The following ANGEL2 variants were observed in gnomAD, a reference collection of about 807,000 sequenced individuals.
ANGEL2 encodes the protein angel homolog 2.
Under a neutral mutation model 66.0 loss-of-function variants are expected in ANGEL2, and 41 were observed. That is an observed-to-expected ratio of 0.62 (90% confidence interval 0.48 to 0.81). ANGEL2 has a LOEUF of 0.81. Ranked by LOEUF, ANGEL2 falls within the 30% of genes least tolerant of loss-of-function variation. The pLI, the probability that ANGEL2 is intolerant of heterozygous loss-of-function variation, is 0.00. For missense variants in ANGEL2, 561 were observed against 641.6 expected (o/e 0.87, Z 1.36); for synonymous variants, 208 against 226.5 (o/e 0.92, Z 0.73).
At chr1:213,005,626 G>C (rs73084286) in intron 4 of ANGEL2, among the ~76,000 whole-genome samples, 172 bp from the exon 5 acceptor site, 5,565 of 152,242 alleles carry the variant, frequency 0.037, 284 homozygotes, top group African/African-American at 0.12. Flanking sequence ...GGTCTAACAG[G>C]CCTCTTTATG....
At chr1:213,000,935 T>C in intron 5 of ANGEL2, 23 bp from the exon 6 acceptor site, 1 of 1,600,054 alleles carries the variant, frequency 6.2e-7, no homozygotes. Context: ...TCAACAGGTA[T>C]CTTAAGTGAA....
In ANGEL2 at chr1:212,993,911, C is replaced by G. The variant is rs1443257312; in HGVS notation, c.*1130G>C. The G allele has an allele frequency of 6.6e-6, 1 of 152,154 alleles. No individual in the cohort carries two copies. Among genetic ancestry groups the G allele is most frequent in the East Asian group, 1.9e-4 (1 of 5,200 alleles). 9.4% of individuals were successfully genotyped at this position (152,154 alleles called of 1,614,324 possible). A position where few individuals can be genotyped will look rare whatever the true frequency, so the allele number is the denominator to read the frequency against. The stretch of plus-strand genomic sequence containing the variant: ...CCACTTTGTTCCAAAGACAAATTTC[C>G]TAATAAAATAAATTTCTATAGAACT... On this transcript the variant is annotated 3_prime_UTR_variant, in exon 9 of 9. Coordinates refer to ENST00000366962, the MANE Select transcript of ANGEL2 (RefSeq NM_144567.5).
In ANGEL2 at chr1:213,013,401, TG is replaced by T. The variant is rs1250479286; in HGVS notation, c.76del (p.His26IlefsTer30). The stretch of plus-strand genomic sequence containing the variant: ...GTCTCTGCCCAGACTCCTCGAGTGA[TG>T]GGGAAACATGGGGTATCTAAAAGAA... ...VGRGRYPMFP[H>X]HSRSLGRDWT... On this transcript the variant is annotated frameshift_variant, in exon 2 of 9. Coordinates refer to ENST00000366962, the MANE Select transcript of ANGEL2 (RefSeq NM_144567.5). LOFTEE classifies it high-confidence loss of function. The T allele has an allele frequency of 6.2e-7, 1 of 1,612,206 alleles. No homozygotes were observed. The highest frequency in any genetic ancestry group is 2.2e-5 in the East Asian group (1 of 44,868).
At chr1:212,995,704 C>T (rs1390652611) in intron 8 of ANGEL2, among the ~76,000 whole-genome samples, 9 of 152,062 alleles carry the variant, frequency 5.9e-5, no homozygotes, top group Admixed American at 2.6e-4. Context: ...ATGACAACTA[C>T]GAAAACCTTA....
intron 1 of ANGEL2, chr1:213,015,086 C>G (rs1404224315): frequency 3.5e-5 from 34 of 980,846 alleles, no homozygotes; most frequent in Non-Finnish European, 4.0e-5. Flanking sequence ...ACACGTGAAA[C>G]AAGAACTTGG....
rs761642059 is a variant in ANGEL2, at chr1:213,015,569, C to T, written c.59+44G>A. The T allele has an allele frequency of 8.7e-6, 14 of 1,604,694 alleles. No individual in the cohort carries two copies. In the Admixed American group the frequency reaches 1.9e-4, roughly 21 times the overall value. Reference sequence around the variant, plus strand: ...CGGACGCCCGCCCGCTCTTTCAGGCCGCCCGCCCCTCTCTCCTCCCTCCGA... The same window carrying T: ...CGGACGCCCGCCCGCTCTTTCAGGCTGCCCGCCCCTCTCTCCTCCCTCCGA... On this transcript the variant is annotated intron_variant, in intron 1 of 8. Coordinates refer to ENST00000366962, the MANE Select transcript of ANGEL2 (RefSeq NM_144567.5).
At chr1:213,012,088 C>G (rs932274430) in intron 2 of ANGEL2, among the ~76,000 whole-genome samples, 12 of 152,238 alleles carry the variant, frequency 7.9e-5, no homozygotes, top group Middle Eastern at 3.4e-3. Context: ...CAATAAGTTA[C>G]ACATTTATTT....
chr1:213,000,059 T>C (rs749343202), intron 7 of ANGEL2, among the ~76,000 whole-genome samples: 2 of 152,234 alleles, frequency 1.3e-5, no homozygotes, highest in Non-Finnish European at 2.9e-5. Context: ...GTGCTTTATA[T>C]GCTTTGTCTC....
At chr1:213,012,195 A>G (rs2076526448) in intron 2 of ANGEL2, among the ~76,000 whole-genome samples, 1 of 152,226 alleles carries the variant, frequency 6.6e-6, no homozygotes, top group East Asian at 1.9e-4. Context: ...CACTAATTCT[A>G]GCTTTGATTT....
chr1:213,015,355 A>G, intron 1 of ANGEL2: 1 of 1,401,310 alleles, frequency 7.1e-7, no homozygotes, highest in Non-Finnish European at 9.3e-7. Context: ...CACTGGCACA[A>G]GCCTGGCCGG....
chr1:213,014,485 G>A (rs1217822383), intron 1 of ANGEL2, among the ~76,000 whole-genome samples: 1 of 152,164 alleles, frequency 6.6e-6, no homozygotes, highest in African/African-American at 2.4e-5. Context: ...GGCATAACAT[G>A]GGCATTCTAC....
At chr1:213,008,892 A>G (rs2076418842) in intron 2 of ANGEL2, among the ~76,000 whole-genome samples, 1 of 152,256 alleles carries the variant, frequency 6.6e-6, no homozygotes, top group African/African-American at 2.4e-5. Context: ...TTTATTCCCT[A>G]TTAGTGGGAT....
At chr1:213,006,332 C>T (rs1015856926) in intron 4 of ANGEL2, among the ~76,000 whole-genome samples, 1 of 151,976 alleles carries the variant, frequency 6.6e-6, no homozygotes, top group East Asian at 1.9e-4. Flanking sequence ...GGCATAGTGA[C>T]GGACGCCTGT....
At position 212,995,212 on chromosome 1, in the gene ANGEL2, A is replaced by G. The variant is rs1430735601; in HGVS notation, c.1484-20T>C. On this transcript the variant is annotated intron_variant, in intron 8 of 8. Transcript: ENST00000366962. The stretch of plus-strand genomic sequence containing the variant: ...CAGCTCCTACATTAAAGAAGCACAC[A>G]CATATTTAGTAAAATTGTCAACGGG... 3 of 1,576,604 alleles carry G rather than the reference A, an allele frequency of 1.9e-6. No homozygotes were observed. The highest frequency in any genetic ancestry group is 1.4e-5 in the African/African-American group (1 of 73,356).
rs200271451 is a variant in ANGEL2, at chr1:213,005,470, G to A, written c.713-16C>T. ...CAGTGATAACCTACAAGAAACAAATGAATTTAAAACAAATGACTGCTTTTA... is the reference window on the plus strand; with the variant it reads ...CAGTGATAACCTACAAGAAACAAATAAATTTAAAACAAATGACTGCTTTTA... On this transcript the variant is annotated splice_polypyrimidine_tract_variant and intron_variant, in intron 4 of 8. Transcript: ENST00000366962. 6.4e-7 allele frequency: 1 copy of A among 1,550,650 alleles called. No homozygotes were observed. The highest frequency in any genetic ancestry group is 2.3e-5 in the East Asian group (1 of 44,400).
chr1:213,003,528 T>C (rs565067132), intron 5 of ANGEL2, among the ~76,000 whole-genome samples: 2 of 152,138 alleles, frequency 1.3e-5, no homozygotes, highest in Admixed American at 6.6e-5. Flanking sequence ...TCAGGGAATA[T>C]AGAGGCCCAA....
chr1:213,000,751 C>G, intron 6 of ANGEL2, 35 bp downstream of exon 6: 1 of 1,577,462 alleles, frequency 6.3e-7, no homozygotes, highest in Non-Finnish European at 8.5e-7. Context: ...ACATGATTAC[C>G]CAGCAGACTG....
chr1:213,008,519 A>C (rs939478324), intron 2 of ANGEL2, 53 bp from the exon 3 acceptor site: 2 of 1,555,928 alleles, frequency 1.3e-6, no homozygotes, highest in Non-Finnish European at 1.7e-6. Flanking sequence ...CAGACCATAC[A>C]GTTTCCCACA....
intron 5 of ANGEL2, among the ~76,000 whole-genome samples, chr1:213,004,335 T>C (rs920972329): frequency 2.3e-4 from 35 of 152,130 alleles, no homozygotes; most frequent in African/African-American, 2.2e-4. Context: ...ACGAGATAAA[T>C]TGTGCTAAGC....
Sources: allele counts gnomAD v4.1 joint callset (sites outside exome capture counted in the v4.1 genomes callset), GRCh38; gene constraint gnomAD v4.1.1; transcripts MANE v1.5; gene names NCBI Gene and HGNC (gene_info 2026-07-23, HGNC 2026-07-21).